ITPKB: variants seen among roughly 807,000 people sequenced by gnomAD.
ITPKB encodes inositol-trisphosphate 3-kinase B, also known as IP3 3-kinase B.
In ITPKB, 13 loss-of-function variants were observed where a neutral mutation model predicts 69.4. The observed-to-expected ratio is 0.19, with a 90% CI of 0.12 to 0.30. The LOEUF is 0.30. Among genes scored for constraint, ITPKB ranks in the 10% least tolerant of loss-of-function variants. The probability of loss-of-function intolerance (pLI) is 1.00; values close to 1 mark genes in which losing one functional copy is unlikely to be tolerated. For missense variants in ITPKB, 1,240 were observed against 1,250.5 expected (o/e 0.99, Z 0.13); for synonymous variants, 584 against 513.7 (o/e 1.14, Z -1.85).
At chr1:226,651,494 G>A (rs1192294199) in intron 2 of ITPKB, among the ~76,000 whole-genome samples, 2 of 152,190 alleles carry the variant, frequency 1.3e-5, no homozygotes, top group Non-Finnish European at 2.9e-5. Flanking sequence ...GGGGACCCAG[G>A]TGTCTCTGAA....
chr1:226,697,271 G>C (rs1049158450), intron 2 of ITPKB, among the ~76,000 whole-genome samples: 6 of 152,326 alleles, frequency 3.9e-5, no homozygotes, highest in African/African-American at 9.6e-5. Context: ...CGTGATTAAG[G>C]CATGATGCAT....
At chr1:226,675,671 T>C (rs1219945221) in intron 2 of ITPKB, among the ~76,000 whole-genome samples, 1 of 152,210 alleles carries the variant, frequency 6.6e-6, no homozygotes, top group African/African-American at 2.4e-5. Flanking sequence ...TTCTACTTCC[T>C]CTATAAAACA....
intron 2 of ITPKB, among the ~76,000 whole-genome samples, chr1:226,715,767 T>A (rs1657080030): frequency 6.6e-6 from 1 of 152,342 alleles, no homozygotes; most frequent in African/African-American, 2.4e-5. Context: ...CTTCAAAACG[T>A]GCAAGATTTC....
At chr1:226,674,195 T>C (rs767780961) in intron 2 of ITPKB, among the ~76,000 whole-genome samples, 2 of 152,148 alleles carry the variant, frequency 1.3e-5, no homozygotes, top group Non-Finnish European at 2.9e-5. Context: ...ATTTTTTAAG[T>C]ATTTATATAT....
rs373162528 is a variant in ITPKB at position 226,642,463 on chromosome 1, C to T, written c.2247-338G>A. Among the ~76,000 whole-genome samples, 12 of 152,282 alleles carry T rather than the reference C, an allele frequency of 7.9e-5. No individual in the cohort carries two copies. The East Asian group carries it at 2.1e-3, about 27-fold the overall frequency. ...GGGATTACAGGTGTGCACCACCACC[C>T]AGCCTGGGGTTGGCTCTTGATCCAG... On this transcript the variant is annotated intron_variant, in intron 4 of 7. Coordinates refer to ENST00000429204, the MANE Select transcript of ITPKB (RefSeq NM_002221.4). The surrounding 1 kb of genome is among the most constrained non-coding windows in gnomAD (Gnocchi z 6.4).
At chr1:226,661,455 T>A (rs1043525766) in intron 2 of ITPKB, among the ~76,000 whole-genome samples, 1 of 152,218 alleles carries the variant, frequency 6.6e-6, no homozygotes, top group Non-Finnish European at 1.5e-5. Flanking sequence ...ACATGTGTAG[T>A]CAGGCAGGCT....
intron 2 of ITPKB, among the ~76,000 whole-genome samples, chr1:226,727,323 G>C (rs1007987202): frequency 6.6e-6 from 1 of 152,178 alleles, no homozygotes; most frequent in African/African-American, 2.4e-5. Context: ...AAAACAAATT[G>C]AGTTGAGCCC....
chr1:226,674,281 C>A (rs1362666839), intron 2 of ITPKB, among the ~76,000 whole-genome samples: 1 of 152,126 alleles, frequency 6.6e-6, no homozygotes, highest in African/African-American at 2.4e-5. Flanking sequence ...CTCACTGCAA[C>A]CTCCAACTCC....
At chr1:226,712,189 C>A (rs1057312450) in intron 2 of ITPKB, among the ~76,000 whole-genome samples, 1 of 152,196 alleles carries the variant, frequency 6.6e-6, no homozygotes, top group Admixed American at 6.5e-5. Context: ...CACCTTCCCA[C>A]CGCACGAGAG....
At chr1:226,727,629 G>C (rs1657464602) in intron 2 of ITPKB, among the ~76,000 whole-genome samples, 2 of 152,124 alleles carry the variant, frequency 1.3e-5, no homozygotes, top group Admixed American at 1.3e-4. Flanking sequence ...GGGGCAGGGA[G>C]GGGGACAGAA....
intron 2 of ITPKB, among the ~76,000 whole-genome samples, chr1:226,654,493 C>G (rs1039746863): frequency 1.6e-4 from 24 of 152,198 alleles, no homozygotes; most frequent in Non-Finnish European, 3.4e-4. Context: ...AGATGGGAAT[C>G]TACTCCCTGG....
At chr1:226,685,872 G>A (rs1656196949) in intron 2 of ITPKB, among the ~76,000 whole-genome samples, 1 of 152,214 alleles carries the variant, frequency 6.6e-6, no homozygotes, top group South Asian at 2.1e-4. Context: ...CTGGCTGCTG[G>A]GTGCCGCGGT....
intron 4 of ITPKB, among the ~76,000 whole-genome samples, chr1:226,645,309 C>CTT (rs1368016864): frequency 2.0e-5 from 3 of 152,276 alleles, no homozygotes; most frequent in Non-Finnish European, 4.4e-5. Context: ...CCTCTGCCTG[C>CTT]CAAGATGGGT....
intron 2 of ITPKB, among the ~76,000 whole-genome samples, chr1:226,728,207 G>A (rs954693469): frequency 3.9e-5 from 6 of 152,178 alleles, no homozygotes; most frequent in Non-Finnish European, 8.8e-5. Flanking sequence ...ACCAGCTGAT[G>A]TGGGGCAAAA....
In ITPKB at chr1:226,641,778, A is replaced by G. The variant is rs1262954312; in HGVS notation, c.2451+143T>C. 1.3e-6 allele frequency: 1 copy of G among 747,236 alleles called. No homozygotes were observed. Among genetic ancestry groups the G allele is most frequent in the Non-Finnish European group, 2.2e-6 (1 of 456,362 alleles). The allele number at this position is 747,236 out of a possible 1,614,324, so 46.3% of individuals were successfully genotyped here. On this transcript the variant is annotated intron_variant, in intron 5 of 7. Transcript: ENST00000429204. This position sits in a 1 kb window ranked among gnomAD's most constrained non-coding sequence, Gnocchi z 4.6. The stretch of plus-strand genomic sequence containing the variant: ...CCTGAGGAATAGGCTGATGTCTCCA[A>G]ATGTCTGGCCTTGGGGCGGGCCACC...
At chr1:226,706,343 C>A (rs1020539920) in intron 2 of ITPKB, among the ~76,000 whole-genome samples, 1 of 152,234 alleles carries the variant, frequency 6.6e-6, no homozygotes. Flanking sequence ...AAGAGACTCC[C>A]TTTTATCCAT....
At chr1:226,678,806 G>A (rs1313290517) in intron 2 of ITPKB, among the ~76,000 whole-genome samples, 1 of 152,234 alleles carries the variant, frequency 6.6e-6, no homozygotes, top group Non-Finnish European at 1.5e-5. Context: ...GCCGCTCTCT[G>A]CTGTCAGGAA....
At chr1:226,691,953 T>C (rs1459907404) in intron 2 of ITPKB, among the ~76,000 whole-genome samples, 1 of 152,106 alleles carries the variant, frequency 6.6e-6, no homozygotes, top group African/African-American at 2.4e-5. Flanking sequence ...CTTTTTCCTC[T>C]GGGCTCCCAG....
intron 2 of ITPKB, among the ~76,000 whole-genome samples, chr1:226,718,522 ATCTAGGAAG>A (rs1375547266): frequency 6.6e-6 from 1 of 152,014 alleles, no homozygotes; most frequent in African/African-American, 2.4e-5. Flanking sequence ...GATCCCTTGA[ATCTAGGAAG>A]TCAGGGCTGC....
Sources: gnomAD v4.1 joint callset for allele counts (sites outside exome capture counted in the v4.1 genomes callset) on GRCh38, gnomAD v4.1.1 for gene constraint, Gnocchi (gnomAD v3.1) non-coding constraint, MANE v1.5 for transcripts, NCBI Gene and HGNC (gene_info 2026-07-23, HGNC 2026-07-21) for gene names.